SMTN: variants seen among roughly 807,000 people sequenced by gnomAD.
The protein encoded by SMTN is smoothelin.
Under a neutral mutation model 102.0 loss-of-function variants are expected in SMTN, and 58 were observed. The ratio of observed to expected loss-of-function variants is 0.57; its 90% CI spans 0.46 to 0.71. The LOEUF (loss-of-function observed/expected upper bound fraction) is 0.71, where lower values mean the gene tolerates loss of function less well. Among genes scored for constraint, SMTN ranks in the 30% least tolerant of loss-of-function variants. SMTN has a pLI of 0.00. For missense variants in SMTN, 1,185 were observed against 1,241.7 expected, an observed-to-expected ratio of 0.95 and a Z score of 0.69; for synonymous variants, 478 against 497.9, an observed-to-expected ratio of 0.96 and a Z score of 0.53.
chr22:31,100,292 C>T lies in SMTN; in HGVS notation c.2603+396C>T, dbSNP rs1002957309. Reference sequence around the variant, plus strand: ...TCCAAAAGGAGGCTCCTGGCCCGGGCACCGTGCCCGCCCAGCCTATATAGT... The same window carrying T: ...TCCAAAAGGAGGCTCCTGGCCCGGGTACCGTGCCCGCCCAGCCTATATAGT... On this transcript the variant is annotated intron_variant, in intron 19 of 20. Transcript: ENST00000333137. 1.5e-4 allele frequency among the ~76,000 whole-genome samples: 23 copies of T among 152,284 alleles called. 1 individual carries two copies. Among genetic ancestry groups the T allele is most frequent in the Admixed American group, 6.5e-4 (10 of 15,302 alleles).
intron 17 of SMTN, 62 bp from the exon 18 acceptor site, chr22:31,099,000 G>A (rs2043854552): frequency 6.4e-7 from 1 of 1,550,522 alleles, no homozygotes; most frequent in South Asian, 1.1e-5. Context: ...GATCCACTGG[G>A]TGGGCCCACC....
chr22:31,072,119 A>G (rs1371266524), intron 1 of SMTN, among the ~76,000 whole-genome samples: 1 of 152,226 alleles, frequency 6.6e-6, no homozygotes, highest in Non-Finnish European at 1.5e-5. Flanking sequence ...TGGCAGGGTA[A>G]GATCAGAGAT....
chr22:31,072,198 G>T (rs1266379281), intron 1 of SMTN, among the ~76,000 whole-genome samples: 4 of 152,174 alleles, frequency 2.6e-5, no homozygotes, highest in Non-Finnish European at 5.9e-5. Context: ...CCCATCCCAT[G>T]CAAGCTCCGT....
At position 31,096,789 on chromosome 22, in the gene SMTN, G is replaced by A. The variant is rs756976649; in HGVS notation, c.1918G>A (p.Glu640Lys). 1 of 1,566,278 alleles carries A rather than the reference G, an allele frequency of 6.4e-7. No individual in the cohort carries two copies. Among genetic ancestry groups the A allele is most frequent in the Non-Finnish European group, 8.6e-7 (1 of 1,157,532 alleles). Residue 640 changes from glutamate (E) to lysine (K), a missense_variant, in exon 14 of 21, where the codon GAG becomes AAG. Glu to Lys is a moderately conservative substitution (Grantham distance 56, BLOSUM62 1). Coordinates refer to ENST00000333137, the MANE Select transcript of SMTN (RefSeq NM_134269.3). ...RLQEARGRPG[E>K]GRGNTATETT... ...GCAGGAGGCACGGGGCCGGCCAGGG[G>A]AGGGGCGCGGCAACACAGCCACTGA... is the stretch of plus-strand genomic sequence containing the variant.
At chr22:31,084,578 G>A (rs2042534185) in intron 2 of SMTN, among the ~76,000 whole-genome samples, 1 of 152,218 alleles carries the variant, frequency 6.6e-6, no homozygotes, top group African/African-American at 2.4e-5. Context: ...AAGTCCCAGT[G>A]GGGGTCGTAG....
chr22:31,078,423 G>A (rs2042180814), upstream of SMTN, among the ~76,000 whole-genome samples: 2 of 152,206 alleles, frequency 1.3e-5, no homozygotes, highest in South Asian at 4.1e-4. Flanking sequence ...GAACCTGGAA[G>A]AACCTAGAGT....
rs757003112 is a variant in SMTN at position 31,091,669 on chromosome 22, A to G, written c.1460-6A>G. 6.3e-7 allele frequency: 1 copy of G among 1,581,540 alleles called. No individual in the cohort carries two copies. The highest frequency in any genetic ancestry group is 8.6e-7 in the Non-Finnish European group (1 of 1,159,602). On this transcript the variant is annotated splice_polypyrimidine_tract_variant and splice_region_variant and intron_variant, in intron 10 of 20. Transcript: ENST00000333137. Reference sequence around the variant, plus strand: ...CCTCCTGACAGCCACCTTTCTCCCCACTCAGAACTGACACTGGGGCTGCGG... The same window carrying G: ...CCTCCTGACAGCCACCTTTCTCCCCGCTCAGAACTGACACTGGGGCTGCGG...
chr22:31,091,368 G>A lies in SMTN; in HGVS notation c.1345G>A (p.Gly449Ser), dbSNP rs114164619. The A allele has an allele frequency of 8.2e-3, 13,176 of 1,604,288 alleles. 90 individuals carry two copies. The highest frequency in any genetic ancestry group is 8.9e-3 in the Non-Finnish European group (10,487 of 1,177,982). ...TGGTGCCCCGCTGCCCGTGGCCGTC[G>A]GCACTGCCGAGCCAGGGGGCAGTAT... ...EPGAPLPVAVGTAEPGGSMKT... is the reference protein window; with the variant it reads ...EPGAPLPVAVSTAEPGGSMKT... The change falls in exon 10 of 21, where the codon GGC becomes AGC. Residue 449 changes from glycine to serine, a missense_variant. Gly to Ser is a moderately conservative substitution (Grantham distance 56). This residue lies in a region of SMTN where 1,096 missense variants were observed against 1,112.7 expected (regional missense o/e 0.98). Transcript: ENST00000333137.
At chr22:31,072,763 CT>C (rs2042034256) in intron 1 of SMTN, among the ~76,000 whole-genome samples, 1 of 151,912 alleles carries the variant, frequency 6.6e-6, no homozygotes, top group Non-Finnish European at 1.5e-5. Context: ...TGCCCAGCCT[CT>C]TTTTCTTTTT....
chr22:31,083,421 G>A (rs1476726148), intron 2 of SMTN, 112 bp downstream of exon 2: 2 of 1,310,456 alleles, frequency 1.5e-6, no homozygotes, highest in African/African-American at 3.0e-5. Flanking sequence ...AAGGTCAGGA[G>A]GAGGGGGACA....
chr22:31,100,022 C>T (rs2043943700), intron 19 of SMTN, 126 bp downstream of exon 19: 4 of 917,066 alleles, frequency 4.4e-6, no homozygotes, highest in Non-Finnish European at 4.9e-6. Flanking sequence ...GCTGAGACCC[C>T]CTTCCCCAGA....
intron 1 of SMTN, chr22:31,067,540 C>A (rs12170984): frequency 0.07 from 10,203 of 146,768 alleles, 469 homozygotes; most frequent in Non-Finnish European, 0.1. Context: ...GCCCGGCGCA[C>A]CTGCTTCTTC....
intron 2 of SMTN, chr22:31,083,664 T>G: frequency 4.9e-6 from 1 of 205,076 alleles, no homozygotes; most frequent in Non-Finnish European, 1.0e-5. Context: ...GGCCCAGTGA[T>G]AATGGTAGCA....
chr22:31,098,398 G>A (rs963232383), intron 16 of SMTN, among the ~76,000 whole-genome samples: 2 of 151,856 alleles, frequency 1.3e-5, no homozygotes, highest in African/African-American at 2.4e-5. Context: ...GAACTCCCCT[G>A]TAACTTGAGG....
At chr22:31,085,356 C>A in intron 2 of SMTN, 1 of 1,368,912 alleles carries the variant, frequency 7.3e-7, no homozygotes. Flanking sequence ...GCCTTCAGCG[C>A]CCCCTGGCGA....
chr22:31,088,780 A>G lies in SMTN; in HGVS notation c.373+3A>G. The G allele has an allele frequency of 2.5e-6, 4 of 1,612,334 alleles. No individual in the cohort carries two copies. Among genetic ancestry groups the G allele is most frequent in the Non-Finnish European group, 3.4e-6 (4 of 1,179,172 alleles). ...TGTACGGGCTCAGGAGATTGAGGGT[A>G]TGTGGCCTGTCCCGGCCCCACCCCT... On this transcript the variant is annotated splice_donor_region_variant and intron_variant, in intron 5 of 20. Transcript: ENST00000333137.
Position 31,095,408 on chromosome 22 carries a change from G to T in SMTN, c.1738G>T (p.Ala580Ser), listed in dbSNP as rs12158015. ...KAPEGRSPLS[A>S]EELMTIEDEG... is the part of the protein sequence containing the mutation. ...ACCAGAAGGGCGGAGCCCTCTGAGC[G>T]CTGAGGAGCTGATGACTATTGAGGA... The change falls in exon 12 of 21, where the codon GCT (alanine) becomes TCT (serine). Residue 580 changes from alanine (A) to serine (S), a missense_variant. Ala to Ser is a moderately conservative substitution (Grantham distance 99, BLOSUM62 1). This residue lies in a region of SMTN where 1,096 missense variants were observed against 1,112.7 expected (regional missense o/e 0.98). Transcript: ENST00000333137. The surrounding 1 kb of genome is among the most constrained non-coding windows in gnomAD (Gnocchi z 4.1). 3.7e-6 allele frequency: 6 copies of T among 1,614,160 alleles called. No individual in the cohort carries two copies. In the African/African-American group the frequency reaches 5.3e-5, roughly 14 times the overall value.
chr22:31,090,358 C>G (rs1375462411), intron 8 of SMTN, among the ~76,000 whole-genome samples, 178 bp downstream of exon 8: 2 of 151,972 alleles, frequency 1.3e-5, no homozygotes, highest in Non-Finnish European at 2.9e-5. Context: ...CCAGCCTCCC[C>G]CTCCACCCCC....
intron 8 of SMTN, among the ~76,000 whole-genome samples, chr22:31,090,560 G>C (rs927043851): frequency 6.6e-6 from 1 of 152,062 alleles, no homozygotes; most frequent in African/African-American, 2.4e-5. Flanking sequence ...TGGCCCCCAG[G>C]AGTGTCCAAG....
Sources: allele counts gnomAD v4.1 joint callset (sites outside exome capture counted in the v4.1 genomes callset), GRCh38; gene constraint gnomAD v4.1.1; regional missense constraint gnomAD v4.1.1; non-coding constraint Gnocchi (gnomAD v3.1); transcripts MANE v1.5; gene names NCBI Gene and HGNC (gene_info 2026-07-23, HGNC 2026-07-21).